Variants in FRMPD4 observed in about 807,000 individuals in gnomAD.
The protein encoded by FRMPD4 is FERM and PDZ domain-containing protein 4.
In FRMPD4, 22 loss-of-function variants were observed where a neutral mutation model predicts 94.1. The observed-to-expected ratio is 0.23, with a 90% CI of 0.17 to 0.33. The LOEUF (loss-of-function observed/expected upper bound fraction) is 0.33, where lower values mean the gene tolerates loss of function less well. FRMPD4 is among the 10% of genes least tolerant of loss of function. The pLI is 1.00. For synonymous variants in FRMPD4, 631 were observed against 548.6 expected, an observed-to-expected ratio of 1.15 and a Z score of -2.10; for missense variants, 1,111 against 1,339.9, an observed-to-expected ratio of 0.83 and a Z score of 2.67.
At chrX:12,483,302 T>C (rs758709152) in intron 1 of FRMPD4, among the ~76,000 whole-genome samples, 57 of 111,986 alleles carry the variant, frequency 5.1e-4, no homozygotes, top group Non-Finnish European at 9.0e-4. Context: ...AGAAGCTTCA[T>C]AAGGGAGGTC....
At position 12,718,453 on chromosome X, in the gene FRMPD4, T is replaced by G; in HGVS notation, c.3627T>G (p.Ser1209=). 8.3e-7 allele frequency: 1 copy of G among 1,208,074 alleles called. No individual in the cohort carries two copies. The highest frequency in any genetic ancestry group is 1.1e-6 in the Non-Finnish European group (1 of 892,088). Residue 1209 remains serine, a synonymous_variant, in exon 16 of 17, where the codon TCT becomes TCG. Transcript: ENST00000675598. ...MSSLQSEGHF[S]LQSSQGSSVD... The stretch of plus-strand genomic sequence containing the variant: ...CACTGCAAAGCGAGGGCCATTTTTC[T>G]CTGCAGAGCTCCCAAGGCTCTTCAG...
rs2042263473 is a variant in FRMPD4, at chrX:12,722,726, C to A, written c.*868C>A. 8.9e-6 allele frequency: 1 copy of A among 112,314 alleles called. No homozygotes were observed. Among genetic ancestry groups the A allele is most frequent in the South Asian group, 3.7e-4 (1 of 2,711 alleles). 9.3% of individuals were successfully genotyped at this position (112,314 alleles called of 1,213,427 possible). ...ATCTGCAAACCAAAGACATTATCTTCCCCTCATCCCAACTCAACTACGAAA... is the reference window on the plus strand; with the variant it reads ...ATCTGCAAACCAAAGACATTATCTTACCCTCATCCCAACTCAACTACGAAA... On this transcript the variant is annotated 3_prime_UTR_variant, in exon 17 of 17. Transcript: ENST00000675598.
intron 1 of FRMPD4, among the ~76,000 whole-genome samples, chrX:12,435,999 T>C (rs1176293183): frequency 1.8e-5 from 2 of 111,696 alleles, no homozygotes; most frequent in Admixed American, 1.9e-4. Flanking sequence ...TCTGTGGTTA[T>C]GTCCCTCTTT....
chrX:12,500,738 T>G (rs1173886517), intron 2 of FRMPD4, among the ~76,000 whole-genome samples: 1 of 111,528 alleles, frequency 9.0e-6, no homozygotes, highest in African/African-American at 3.3e-5. Flanking sequence ...ACCCCAGAGT[T>G]TGAATTCATA....
At position 12,141,668 on chromosome X, in the gene FRMPD4, G is replaced by C. The variant is rs1028191934; in HGVS notation, c.41+2656G>C. ...TCAGTTAGAGTTATGACCCTTGATT[G>C]CATCCTTCGTGGGTGGCACAGTGTG... On this transcript the variant is annotated intron_variant, in intron 1 of 16. Transcript: ENST00000675598. 5.6e-5 allele frequency among the ~76,000 whole-genome samples: 6 copies of C among 106,264 alleles called. No homozygotes were observed. In the East Asian group the frequency reaches 2.7e-3, roughly 48 times the overall value. The allele number at this position is 106,264 out of a possible 115,157, so 92.3% of individuals were successfully genotyped here.
rs1174064117 is a variant in FRMPD4 at position 12,435,178 on chromosome X, G to A, written c.42-63502G>A. On this transcript the variant is annotated intron_variant, in intron 1 of 16. Coordinates refer to ENST00000675598, the MANE Select transcript of FRMPD4 (RefSeq NM_001368397.1). ...AGTTTTTCTTACTATTATAAATGGA[G>A]TCCATTCTTCTATTACGTACTCTAA... 3.6e-5 allele frequency among the ~76,000 whole-genome samples: 4 copies of A among 111,498 alleles called. No individual in the cohort carries two copies. In the Admixed American group the frequency reaches 3.8e-4, roughly 11 times the overall value.
chrX:12,232,247 T>A (rs772010722), intron 1 of FRMPD4, among the ~76,000 whole-genome samples: 6 of 111,735 alleles, frequency 5.4e-5, no homozygotes, highest in Non-Finnish European at 1.1e-4. Context: ...TGTAAGGATA[T>A]ACCCAAGACT....
At chrX:12,076,885 G>A (rs1407597361) in intron 3 of FRMPD4, among the ~76,000 whole-genome samples, 3 of 111,304 alleles carry the variant, frequency 2.7e-5, no homozygotes, top group Non-Finnish European at 5.7e-5. Context: ...ACTCAACCTT[G>A]TTCATCATGA....
intron 3 of FRMPD4, among the ~76,000 whole-genome samples, chrX:12,037,550 C>A (rs1295469896): frequency 1.8e-5 from 2 of 111,340 alleles, no homozygotes; most frequent in African/African-American, 6.5e-5. Context: ...TTTTGAGTTT[C>A]AACCATTTTA....
At chrX:12,167,147 G>T (rs1161658290) in intron 1 of FRMPD4, among the ~76,000 whole-genome samples, 1 of 110,867 alleles carries the variant, frequency 9.0e-6, no homozygotes, top group Non-Finnish European at 1.9e-5. Flanking sequence ...GTGATGTTAG[G>T]GTCTTGATTT....
chrX:12,007,476 A>G (rs754386392), intron 3 of FRMPD4, among the ~76,000 whole-genome samples: 6 of 112,298 alleles, frequency 5.3e-5, no homozygotes, highest in Non-Finnish European at 3.8e-5. Context: ...CCTAAGAGCC[A>G]TTACTGAGAC....
At chrX:12,253,542 A>G (rs1227899908) in intron 1 of FRMPD4, among the ~76,000 whole-genome samples, 1 of 111,860 alleles carries the variant, frequency 8.9e-6, no homozygotes, top group Non-Finnish European at 1.9e-5. Flanking sequence ...CCTCTACTCA[A>G]AGTAATGGGT....
At chrX:12,202,275 CTCT>C (rs2056639824) in intron 1 of FRMPD4, among the ~76,000 whole-genome samples, 1 of 112,032 alleles carries the variant, frequency 8.9e-6, no homozygotes, top group Non-Finnish European at 1.9e-5. Context: ...CAGTCTCTTG[CTCT>C]TCTTTAGCTC....
chrX:12,563,876 C>T (rs2058683887), intron 2 of FRMPD4, among the ~76,000 whole-genome samples: 1 of 112,203 alleles, frequency 8.9e-6, no homozygotes, highest in African/African-American at 3.2e-5. Flanking sequence ...AACAGCACAT[C>T]TTTAAGATGA....
intron 3 of FRMPD4, among the ~76,000 whole-genome samples, chrX:12,128,131 C>A (rs2055516511): frequency 8.9e-6 from 1 of 112,925 alleles, no homozygotes; most frequent in Admixed American, 9.3e-5. Context: ...TGGTGGCCTT[C>A]TTCTCACAGC....
intron 3 of FRMPD4, among the ~76,000 whole-genome samples, chrX:12,003,451 T>TA (rs2054534823): frequency 9.0e-6 from 1 of 111,219 alleles, no homozygotes; most frequent in South Asian, 3.8e-4. Flanking sequence ...TCTTGTTCTG[T>TA]CACTCATGCT....
chrX:12,475,128 T>C (rs1269997325), intron 1 of FRMPD4, among the ~76,000 whole-genome samples: 2 of 111,969 alleles, frequency 1.8e-5, no homozygotes, highest in African/African-American at 6.5e-5. Context: ...TCAAGTGGGC[T>C]TCATACCTGG....
intron 1 of FRMPD4, among the ~76,000 whole-genome samples, chrX:12,228,076 A>G (rs1569198456): frequency 8.9e-6 from 1 of 112,467 alleles, no homozygotes; most frequent in African/African-American, 3.2e-5. Flanking sequence ...CAGTGCTCCC[A>G]AAGTGTGTTT....
intron 5 of FRMPD4, among the ~76,000 whole-genome samples, chrX:12,680,058 A>G (rs1382353239): frequency 8.9e-6 from 1 of 112,110 alleles, no homozygotes; most frequent in East Asian, 2.8e-4. Context: ...AGGAATTGCA[A>G]GTTCAAGACC....
Sources: gnomAD v4.1 joint callset for allele counts (sites outside exome capture counted in the v4.1 genomes callset) on GRCh38, gnomAD v4.1.1 for gene constraint, MANE v1.5 for transcripts, NCBI Gene and HGNC (gene_info 2026-07-23, HGNC 2026-07-21) for gene names.